Variants in RIIAD1 observed in about 807,000 individuals in gnomAD.
RIIAD1 encodes the protein regulatory subunit of type II PKA R-subunit domain containing 1, also known as RIIa domain-containing protein 1.
In RIIAD1, 15 loss-of-function variants were observed where a neutral mutation model predicts 13.3. The ratio of observed to expected loss-of-function variants is 1.13; its 90% confidence interval spans 0.76 to 1.74. The LOEUF (loss-of-function observed/expected upper bound fraction) is 1.74. RIIAD1 is among the 40% of genes most tolerant of loss of function. RIIAD1 has a pLI of 0.00. For missense variants in RIIAD1, 121 were observed against 112.2 expected, an observed-to-expected ratio of 1.08 and a Z score of -0.35; for synonymous variants, 50 against 43.3, an observed-to-expected ratio of 1.16 and a Z score of -0.61.
At position 151,725,169 on chromosome 1, in the gene RIIAD1, G is replaced by T. The variant is rs927020273; in HGVS notation, c.162-2406G>T. On this transcript the variant is annotated intron_variant, in intron 2 of 4. Coordinates refer to ENST00000479191, the MANE Select transcript of RIIAD1 (RefSeq NM_001144956.3). ...ACTGTCATCTGGGCTGGAGTGCAGT[G>T]GCGCAATATCGGCTCACTGCAGCCT... Among the ~76,000 whole-genome samples the T allele has an allele frequency of 2.9e-5, 4 of 137,504 alleles. No individual in the cohort carries two copies. In the Admixed American group the frequency reaches 3.3e-4, roughly 11 times the overall value. 90.2% of individuals were successfully genotyped at this position (137,504 alleles called of 152,430 possible).
At chr1:151,712,703 T>A (rs1168190979) in intron 2 of RIIAD1, among the ~76,000 whole-genome samples, 2 of 152,234 alleles carry the variant, frequency 1.3e-5, no homozygotes, top group South Asian at 2.1e-4. Flanking sequence ...GCCCCCATTC[T>A]TTCTCTTTCC....
chr1:151,722,669 C>A (rs560266466), intron 2 of RIIAD1, among the ~76,000 whole-genome samples: 1 of 152,342 alleles, frequency 6.6e-6, no homozygotes, highest in South Asian at 2.1e-4. Context: ...AGAGCTATCT[C>A]AAATGCTGTT....
upstream of RIIAD1, among the ~76,000 whole-genome samples, chr1:151,717,761 G>A (rs79893344): frequency 0.016 from 2,361 of 152,254 alleles, 67 homozygotes; most frequent in African/African-American, 0.054. Flanking sequence ...TCTTTGAGTT[G>A]GACTCAAATT....
chr1:151,716,966 G>GC (rs989855378), upstream of RIIAD1, among the ~76,000 whole-genome samples: 2 of 151,814 alleles, frequency 1.3e-5, no homozygotes, highest in African/African-American at 4.8e-5. Context: ...CTCCCTTCCC[G>GC]CCCCCAGAAG....
chr1:151,721,408 G>A, upstream of RIIAD1: 1 of 441,452 alleles, frequency 2.3e-6, no homozygotes, highest in Non-Finnish European at 3.8e-6. Context: ...CCCCCGCCCC[G>A]GAGCTCACCC....
upstream of RIIAD1, chr1:151,719,651 CCTTCCTGCCCTCAAGTGG>C: frequency 1.4e-6 from 1 of 702,888 alleles, no homozygotes; most frequent in Non-Finnish European, 2.6e-6. Flanking sequence ...GATTCTATAA[CCTTCCTGCCCTCAAGTGG>C]CTTCCACCTC....
intron 2 of RIIAD1, among the ~76,000 whole-genome samples, chr1:151,726,940 C>T (rs12402668): frequency 0.21 from 31,925 of 152,122 alleles, 3,573 homozygotes; most frequent in Middle Eastern, 0.32. Flanking sequence ...GTGGGCCGGC[C>T]GGCATGTTCT....
At chr1:151,716,601 A>C (rs1673494589), upstream of RIIAD1, 1 of 345,960 alleles carries the variant, frequency 2.9e-6, no homozygotes, top group Non-Finnish European at 5.9e-6. Context: ...CAGATGCTTG[A>C]TCTCTGATGG....
upstream of RIIAD1, among the ~76,000 whole-genome samples, chr1:151,720,527 G>A (rs1673718754): frequency 6.6e-6 from 1 of 152,214 alleles, no homozygotes; most frequent in African/African-American, 2.4e-5. Flanking sequence ...CTTGGGAACT[G>A]CCAACACTTT....
At chr1:151,721,680 GC>G in intron 1 of RIIAD1, 60 bp downstream of exon 1, 1 of 1,074,228 alleles carries the variant, frequency 9.3e-7, no homozygotes, top group Non-Finnish European at 1.2e-6. Flanking sequence ...CAGGACTGGG[GC>G]CCCAGACTGG....
upstream of RIIAD1, chr1:151,721,485 G>C (rs1673733548): frequency 1.8e-6 from 2 of 1,122,178 alleles, no homozygotes; most frequent in Admixed American, 4.1e-5. Context: ...GGGCGGGGCC[G>C]GGGGCGGGGC....
chr1:151,724,764 C>A (rs891367415), intron 2 of RIIAD1, among the ~76,000 whole-genome samples: 2 of 151,932 alleles, frequency 1.3e-5, no homozygotes, highest in African/African-American at 4.8e-5. Context: ...TTTTGTGCTG[C>A]AGATATGATA....
At chr1:151,721,691 G>T in intron 1 of RIIAD1, 71 bp downstream of exon 1, 1 of 902,208 alleles carries the variant, frequency 1.1e-6, no homozygotes, top group Non-Finnish European at 1.5e-6. Context: ...CCCCAGACTG[G>T]GAAGAGAGCC....
At chr1:151,714,650 G>T (rs1227203485) in intron 4 of RIIAD1, 1 of 1,561,582 alleles carries the variant, frequency 6.4e-7, no homozygotes, top group African/African-American at 1.4e-5. Flanking sequence ...GCTGAATCCC[G>T]GGCACAGTAT....
At chr1:151,714,515 A>G (rs1409601921) in exon 4 of RIIAD1, 24 of 992,330 alleles carry the variant, frequency 2.4e-5, no homozygotes, top group Non-Finnish European at 2.2e-5. Flanking sequence ...AATTATGCTC[A>G]GTGTCAGGAG....
upstream of RIIAD1, among the ~76,000 whole-genome samples, chr1:151,718,306 TAGAG>T (rs1270945271): frequency 6.8e-6 from 1 of 147,558 alleles, no homozygotes; most frequent in African/African-American, 2.4e-5. Flanking sequence ...CATCTCCAAA[TAGAG>T]AGGAGGTAAC....
At chr1:151,727,833 A>G (rs936319972) in intron 3 of RIIAD1, among the ~76,000 whole-genome samples, 1 of 152,202 alleles carries the variant, frequency 6.6e-6, no homozygotes, top group African/African-American at 2.4e-5. Flanking sequence ...GAACTTCCTC[A>G]TGGTGAGGAT....
chr1:151,711,879 TC>T (rs1295354621), exon 2 of RIIAD1: 3 of 152,190 alleles, frequency 2.0e-5, no homozygotes, highest in African/African-American at 7.2e-5. Context: ...AGGATGCAGT[TC>T]CCTCCTGGCA....
At chr1:151,716,471 A>G (rs973406018) in intron 4 of RIIAD1, 6 of 304,878 alleles carry the variant, frequency 2.0e-5, no homozygotes, top group Non-Finnish European at 3.9e-5. Context: ...TATGGTTGCC[A>G]GCAGCGTCAG....
Sources: gnomAD v4.1 joint callset for allele counts (sites outside exome capture counted in the v4.1 genomes callset) on GRCh38, gnomAD v4.1.1 for gene constraint, MANE v1.5 for transcripts, NCBI Gene and HGNC (gene_info 2026-07-23, HGNC 2026-07-21) for gene names.